Variants in TNIK observed in about 807,000 individuals in gnomAD.
The protein encoded by TNIK is TRAF2 and NCK-interacting protein kinase.
A neutral mutation model predicts 191.3 loss-of-function variants in TNIK; 49 were observed. The ratio of observed to expected loss-of-function variants is 0.26; its 90% CI spans 0.20 to 0.32. TNIK has a LOEUF of 0.32. Ranked by LOEUF, TNIK falls within the 10% of genes least tolerant of loss-of-function variation. The pLI is 1.00. For synonymous variants in TNIK, 594 were observed against 600.9 expected (o/e 0.99, Z 0.17); for missense variants, 1,155 against 1,702.3 (o/e 0.68, Z 5.66).
At chr3:171,209,477 C>T (rs1487498791) in intron 4 of TNIK, among the ~76,000 whole-genome samples, 2 of 151,986 alleles carry the variant, frequency 1.3e-5, no homozygotes, top group Non-Finnish European at 2.9e-5. Flanking sequence ...GTTAAGAAGA[C>T]ATTTAAAACA....
intron 32 of TNIK, 118 bp from the exon 33 acceptor site, chr3:171,064,082 T>A: frequency 1.1e-6 from 1 of 881,452 alleles, no homozygotes; most frequent in Non-Finnish European, 1.8e-6. Flanking sequence ...GTCTTAAGAC[T>A]CAATGGCTTG....
At chr3:171,197,002 G>T (rs368016418) in intron 4 of TNIK, among the ~76,000 whole-genome samples, 8 of 152,160 alleles carry the variant, frequency 5.3e-5, no homozygotes, top group Non-Finnish European at 7.3e-5. Flanking sequence ...TGATCCGCCC[G>T]CCTCGGCCTC....
At chr3:171,187,642 A>T (rs1021659593) in intron 7 of TNIK, among the ~76,000 whole-genome samples, 1 of 152,176 alleles carries the variant, frequency 6.6e-6, no homozygotes, top group African/African-American at 2.4e-5. Flanking sequence ...CAGAGGAGCA[A>T]GGTAATATAT....
Position 171,204,056 on chromosome 3 carries a change from A to G in TNIK, c.306+7060T>C, listed in dbSNP as rs117026798. 9.2e-5 allele frequency among the ~76,000 whole-genome samples: 14 copies of G among 152,348 alleles called. No homozygotes were observed. The East Asian group carries it at 2.7e-3, about 29-fold the overall frequency. Reference sequence around the variant, plus strand: ...TTTTTGAGAAATTAGTTAATTTACTAAACAGTATTTCTCCCTCCCTCCCAG... The same window carrying G: ...TTTTTGAGAAATTAGTTAATTTACTGAACAGTATTTCTCCCTCCCTCCCAG... On this transcript the variant is annotated intron_variant, in intron 4 of 32. Transcript: ENST00000436636.
intron 1 of TNIK, among the ~76,000 whole-genome samples, chr3:171,445,041 G>A (rs66812172): frequency 6.6e-6 from 1 of 151,830 alleles, no homozygotes; most frequent in Admixed American, 6.6e-5. Flanking sequence ...AAACATTTAG[G>A]CCAGTGGTTC....
chr3:171,182,326 C>T (rs1239415314), intron 7 of TNIK, among the ~76,000 whole-genome samples: 2 of 151,914 alleles, frequency 1.3e-5, no homozygotes, highest in Admixed American at 1.3e-4. Flanking sequence ...CTTGTTTAGC[C>T]GTTGGATACA....
At chr3:171,089,052 C>A (rs1037284656) in intron 23 of TNIK, among the ~76,000 whole-genome samples, 1 of 152,170 alleles carries the variant, frequency 6.6e-6, no homozygotes, top group Non-Finnish European at 1.5e-5. Flanking sequence ...AAAGGAGGCA[C>A]TTCTTTTCTT....
intron 1 of TNIK, among the ~76,000 whole-genome samples, chr3:171,430,041 CACCTCCCTGTAATTTCACA>C (rs779334459): frequency 1.3e-5 from 2 of 152,126 alleles, no homozygotes; most frequent in Non-Finnish European, 2.9e-5. Flanking sequence ...AGATAGAGCC[CACCTCCCTGTAATTTCACA>C]AGCTCCCCAG....
chr3:171,332,949 G>T (rs1051316542), intron 2 of TNIK, among the ~76,000 whole-genome samples: 1 of 152,118 alleles, frequency 6.6e-6, no homozygotes, highest in African/African-American at 2.4e-5. Flanking sequence ...AAGCAATATT[G>T]GATGGGACTA....
At chr3:171,137,787 G>C (rs186043365) in intron 15 of TNIK, among the ~76,000 whole-genome samples, 483 of 152,186 alleles carry the variant, frequency 3.2e-3, no homozygotes, top group Non-Finnish European at 5.8e-3. Flanking sequence ...CAGCAACAGG[G>C]TCCAGGCATG....
intron 24 of TNIK, among the ~76,000 whole-genome samples, chr3:171,086,671 G>A (rs906908366): frequency 2.6e-5 from 4 of 152,110 alleles, no homozygotes; most frequent in Non-Finnish European, 2.9e-5. Flanking sequence ...ACACATTTAG[G>A]GCCTTACGTG....
At chr3:171,253,589 T>TCCCCCCCCCCCCCCCCCCC (rs67388870) in intron 2 of TNIK, among the ~76,000 whole-genome samples, 2 of 121,542 alleles carry the variant, frequency 1.6e-5, no homozygotes, top group Admixed American at 8.8e-5. Flanking sequence ...AGAAGACAGG[T>TCCCCCCCCCCCCCCCCCCC]CCCCCCCCCA....
At chr3:171,427,275 GT>G (rs2108648921) in intron 1 of TNIK, among the ~76,000 whole-genome samples, 1 of 152,106 alleles carries the variant, frequency 6.6e-6, no homozygotes, top group African/African-American at 2.4e-5. Context: ...AAAAATCAAG[GT>G]CATCAGAAAA....
chr3:171,176,274 TC>T (rs753031313), intron 8 of TNIK, among the ~76,000 whole-genome samples: 1 of 152,170 alleles, frequency 6.6e-6, no homozygotes, highest in Non-Finnish European at 1.5e-5. Flanking sequence ...CAACCAGCAC[TC>T]CAAATCAATC....
intron 4 of TNIK, among the ~76,000 whole-genome samples, chr3:171,196,006 C>T (rs1045089245): frequency 1.3e-5 from 2 of 152,192 alleles, no homozygotes; most frequent in African/African-American, 4.8e-5. Flanking sequence ...TGTAGAAACA[C>T]TTTAAATGTG....
chr3:171,253,483 C>G (rs1429611808), intron 2 of TNIK, among the ~76,000 whole-genome samples: 1 of 151,790 alleles, frequency 6.6e-6, no homozygotes. Flanking sequence ...TCAACTTGCT[C>G]CTCTGCCTCC....
intron 1 of TNIK, among the ~76,000 whole-genome samples, chr3:171,436,872 A>G (rs1448215027): frequency 1.3e-5 from 2 of 152,154 alleles, no homozygotes; most frequent in African/African-American, 2.4e-5. Context: ...CAGTGTATCT[A>G]CCTTTCATCC....
chr3:171,339,167 G>C (rs1189271558), intron 2 of TNIK, among the ~76,000 whole-genome samples: 1 of 152,188 alleles, frequency 6.6e-6, no homozygotes, highest in African/African-American at 2.4e-5. Context: ...CCTACAACCA[G>C]GTGTAAAAAT....
At chr3:171,354,878 C>A (rs1207387372) in intron 2 of TNIK, among the ~76,000 whole-genome samples, 1 of 152,160 alleles carries the variant, frequency 6.6e-6, no homozygotes, top group Admixed American at 6.5e-5. Flanking sequence ...ATCAGGTAGC[C>A]ATAAATCTCC....
Sources: allele counts gnomAD v4.1 joint callset (sites outside exome capture counted in the v4.1 genomes callset), GRCh38; gene constraint gnomAD v4.1.1; transcripts MANE v1.5; gene names NCBI Gene and HGNC (gene_info 2026-07-23, HGNC 2026-07-21).